GFPT1: variants seen among roughly 807,000 people sequenced by gnomAD.
GFPT1 encodes the protein glutamine--fructose-6-phosphate transaminase 1.
Under a neutral mutation model 92.0 loss-of-function variants are expected in GFPT1, and 40 were observed. That is an observed-to-expected ratio of 0.43 (90% CI 0.34 to 0.57). The LOEUF (loss-of-function observed/expected upper bound fraction) is 0.57. GFPT1 is among the 20% of genes least tolerant of loss of function. The pLI is 0.02. For missense variants in GFPT1, 448 were observed against 869.1 expected (o/e 0.52, Z 6.09); for synonymous variants, 269 against 280.6 (o/e 0.96, Z 0.41).
chr2:69,328,469 T>C, intron 17 of GFPT1, 31 bp from the exon 18 acceptor site: 1 of 1,544,818 alleles, frequency 6.5e-7, no homozygotes, highest in Non-Finnish European at 9.0e-7. Context: ...TTGTCTTCAA[T>C]CCACTTTTCA....
At chr2:69,331,534 T>G (rs1224465954) in intron 15 of GFPT1, among the ~76,000 whole-genome samples, 1 of 152,150 alleles carries the variant, frequency 6.6e-6, no homozygotes, top group Non-Finnish European at 1.5e-5. Context: ...ATGTTACCAT[T>G]TTTCTGGATT....
Position 69,370,073 on chromosome 2 carries a change from C to T in GFPT1, c.151G>A (p.Glu51Lys), listed in dbSNP as rs1199660458. The T allele has an allele frequency of 6.2e-7, 1 of 1,611,654 alleles. No homozygotes were observed. The highest frequency in any genetic ancestry group is 8.5e-7 in the Non-Finnish European group (1 of 1,177,826). ...AGCTGGATTTTGCAGGCATTGGCTT[C>T]CCAATCTTTATCATTGCCTCCATCA... ...GFDGGNDKDWEANACKIQLIK... is the reference protein window; with the variant it reads ...GFDGGNDKDWKANACKIQLIK... The change falls in exon 3 of 20, where the codon GAA becomes AAA. Residue 51 changes from glutamate (E) to lysine (K), a missense_variant. By Grantham distance (56) the Glu-to-Lys change is moderately conservative. Around this residue, in one of 7 missense-constraint regions of GFPT1, gnomAD observed 72 missense variants for 95.1 expected, o/e 0.76. Coordinates refer to ENST00000357308, the MANE Select transcript of GFPT1 (RefSeq NM_001244710.2).
intron 1 of GFPT1, among the ~76,000 whole-genome samples, chr2:69,385,049 G>A (rs1672101284): frequency 2.0e-5 from 3 of 152,100 alleles, no homozygotes; most frequent in Admixed American, 1.3e-4. Context: ...CTTAAAAGCA[G>A]GACCTCAGAA....
rs980444869 is a variant in GFPT1, at chr2:69,361,175, C to T, written c.350-1849G>A. Among the ~76,000 whole-genome samples the T allele has an allele frequency of 7.2e-5, 11 of 151,956 alleles. No homozygotes were observed. The East Asian group carries it at 9.7e-4, about 13-fold the overall frequency. ...AATTTATAAAAAAACTTGCCGGGTG[C>T]GGTGGCTCATGCCTGTAATCCCAGC... On this transcript the variant is annotated intron_variant, in intron 4 of 19. Coordinates refer to ENST00000357308, the MANE Select transcript of GFPT1 (RefSeq NM_001244710.2).
intron 15 of GFPT1, among the ~76,000 whole-genome samples, chr2:69,332,436 C>T (rs1670687238): frequency 6.6e-6 from 1 of 151,774 alleles, no homozygotes; most frequent in Non-Finnish European, 1.5e-5. Context: ...CTTCAGCCAC[C>T]CCAAGTAGCT....
At chr2:69,335,791 C>G (rs144892957) in intron 15 of GFPT1, among the ~76,000 whole-genome samples, 1,738 of 152,244 alleles carry the variant, frequency 0.011, 30 homozygotes, top group African/African-American at 0.04. Flanking sequence ...GAGGCCAAAG[C>G]AGGCAGATCG....
intron 4 of GFPT1, among the ~76,000 whole-genome samples, chr2:69,361,293 CA>C (rs1293710065): frequency 1.3e-5 from 2 of 151,592 alleles, no homozygotes; most frequent in Non-Finnish European, 2.9e-5. Context: ...ACTAAAAATA[CA>C]AAAAATTGCC....
At chr2:69,386,993 T>A in intron 1 of GFPT1, 72 bp downstream of exon 1, 1 of 1,209,122 alleles carries the variant, frequency 8.3e-7, no homozygotes, top group Non-Finnish European at 1.2e-6. Context: ...CCCGTCGCCT[T>A]GGGCCTTAGC....
At chr2:69,358,494 T>C (rs1352580227) in intron 5 of GFPT1, 31 bp from the exon 6 acceptor site, 1 of 1,445,444 alleles carries the variant, frequency 6.9e-7, no homozygotes, top group Non-Finnish European at 9.6e-7. Context: ...AAGATACAAT[T>C]AAAGAAATAT....
At chr2:69,329,654 C>A in intron 16 of GFPT1, 30 bp downstream of exon 16, 1 of 1,436,336 alleles carries the variant, frequency 7.0e-7, no homozygotes, top group Non-Finnish European at 9.8e-7. Flanking sequence ...CCTTAGACAA[C>A]AAAAGTGTAA....
intron 1 of GFPT1, among the ~76,000 whole-genome samples, 158 bp downstream of exon 1, chr2:69,386,907 C>T (rs1179191189): frequency 6.6e-6 from 1 of 152,176 alleles, no homozygotes; most frequent in Admixed American, 6.5e-5. Context: ...TGGATGCCGG[C>T]CCCCGCCCCC....
At chr2:69,346,528 G>A (rs978289577) in intron 11 of GFPT1, among the ~76,000 whole-genome samples, 18 of 152,048 alleles carry the variant, frequency 1.2e-4, no homozygotes, top group African/African-American at 3.6e-4. Flanking sequence ...GTGAGCCACC[G>A]CACTCAGTCA....
chr2:69,332,860 T>C (rs934076209), intron 15 of GFPT1, among the ~76,000 whole-genome samples: 3 of 55,614 alleles, frequency 5.4e-5, no homozygotes, highest in African/African-American at 2.4e-4. Context: ...CCATTAGTGA[T>C]TTCCTGGCAT....
chr2:69,343,325 C>G (rs1401921454), intron 12 of GFPT1, among the ~76,000 whole-genome samples: 1 of 152,136 alleles, frequency 6.6e-6, no homozygotes, highest in African/African-American at 2.4e-5. Flanking sequence ...AGGAGAATGA[C>G]AGGTACCTCC....
At chr2:69,334,350 T>A (rs1670743260) in intron 15 of GFPT1, among the ~76,000 whole-genome samples, 1 of 152,096 alleles carries the variant, frequency 6.6e-6, no homozygotes, top group Non-Finnish European at 1.5e-5. Context: ...TAAATTGCCA[T>A]ACTTACTCAA....
chr2:69,376,050 T>C (rs1671862794), intron 1 of GFPT1, among the ~76,000 whole-genome samples: 1 of 152,200 alleles, frequency 6.6e-6, no homozygotes. Context: ...ATCTGTAATA[T>C]GAATAAACGA....
At chr2:69,387,044 C>A (rs1353600197) in intron 1 of GFPT1, 21 bp downstream of exon 1, 31 of 1,524,600 alleles carry the variant, frequency 2.0e-5, no homozygotes, top group Non-Finnish European at 2.6e-5. Flanking sequence ...GCAACACGCC[C>A]CCCGCTCCCG....
At chr2:69,363,071 C>G (rs1671514934) in intron 4 of GFPT1, among the ~76,000 whole-genome samples, 1 of 151,894 alleles carries the variant, frequency 6.6e-6, no homozygotes, top group Non-Finnish European at 1.5e-5. Context: ...CACAGTGAAA[C>G]CCCGTCTCTA....
intron 16 of GFPT1, 83 bp downstream of exon 16, chr2:69,329,601 G>T: frequency 9.6e-7 from 1 of 1,040,088 alleles, no homozygotes; most frequent in Non-Finnish European, 1.5e-6. Flanking sequence ...ATAGCTACAA[G>T]CCACAGCTTC....
Sources: gnomAD v4.1 joint callset for allele counts (sites outside exome capture counted in the v4.1 genomes callset) on GRCh38, gnomAD v4.1.1 for gene constraint, gnomAD v4.1.1 regional missense constraint, MANE v1.5 for transcripts, NCBI Gene and HGNC (gene_info 2026-07-23, HGNC 2026-07-21) for gene names.